Variants in AP4M1 observed in about 807,000 individuals in gnomAD.
The protein encoded by AP4M1 is AP-4 complex subunit mu-1.
Under a neutral mutation model 62.4 loss-of-function variants are expected in AP4M1, and 58 were observed. That is an observed-to-expected ratio of 0.93 (90% confidence interval 0.75 to 1.16). AP4M1 has a LOEUF of 1.16. Among genes scored for constraint, AP4M1 ranks in the 50% most tolerant of loss-of-function variants. The pLI, the probability that AP4M1 is intolerant of heterozygous loss-of-function variation, is 0.00. For missense variants in AP4M1, 626 were observed against 585.4 expected (o/e 1.07, Z -0.72); for synonymous variants, 290 against 239.7 (o/e 1.21, Z -1.94).
upstream of AP4M1, chr7:100,101,270 C>T (rs369472513): frequency 9.9e-6 from 16 of 1,613,170 alleles, no homozygotes; most frequent in Non-Finnish European, 1.3e-5. Context: ...GTACCCTTCT[C>T]TAGCGCGTAG....
Position 100,106,768 on chromosome 7 carries a change from C to T in AP4M1, c.1248C>T (p.Cys416=). The T allele has an allele frequency of 6.2e-7, 1 of 1,614,106 alleles. No homozygotes were observed. Among genetic ancestry groups the T allele is most frequent in the Non-Finnish European group, 8.5e-7 (1 of 1,180,046 alleles). ...SLSFELPRHT[C]SGLQVRFLRL... is the part of the protein sequence containing the mutation. ...CCTTCGAGCTTCCCCGGCACACGTG[C>T]TCTGGCCTCCAGGTCCGATTCCTCA... The change falls in exon 15 of 15, where the codon TGC becomes TGT. Residue 416 remains cysteine (C), a synonymous_variant. Transcript: ENST00000359593.
chr7:100,101,786 T>C lies in AP4M1; in HGVS notation c.58+14T>C. 2 of 1,402,900 alleles carry C rather than the reference T, an allele frequency of 1.4e-6. No individual in the cohort carries two copies. The highest frequency in any genetic ancestry group is 5.4e-5 in the East Asian group (2 of 37,272). The allele number at this position is 1,402,900 out of a possible 1,614,324, so 86.9% of individuals were successfully genotyped here. ...TCTACAAAGACTGTATCCTAGACCC[T>C]TGGGGCTGGGAAGGGGCGGAGGGGC... On this transcript the variant is annotated intron_variant, in intron 1 of 14. Coordinates refer to ENST00000359593, the MANE Select transcript of AP4M1 (RefSeq NM_004722.4).
rs1407542984 is a variant in AP4M1 at position 100,108,534 on chromosome 7, AGT to A, written c.*1655_*1656del. Reference sequence around the variant, plus strand: ...CGCAGCTTTGCCAGAACAGGAGCACAGTGTTTCTGCAGAACAGAAAAAAAGCC... The same window carrying A: ...CGCAGCTTTGCCAGAACAGGAGCACAGTTTCTGCAGAACAGAAAAAAAGCC... On this transcript the variant is annotated 3_prime_UTR_variant, in exon 15 of 15. Coordinates refer to ENST00000359593, the MANE Select transcript of AP4M1 (RefSeq NM_004722.4). The A allele has an allele frequency of 6.2e-7, 1 of 1,607,144 alleles. No homozygotes were observed. The highest frequency in any genetic ancestry group is 8.5e-7 in the Non-Finnish European group (1 of 1,175,084).
chr7:100,106,866 A>T lies in AP4M1; in HGVS notation c.1346A>T (p.Tyr449Phe). ...CGACACCTAAGCCACAGCGACGCCT[A>T]TGTCATTCGGATCTGAGGCTCCCCA... ...WVRHLSHSDA[Y>F]VIRI The change falls in exon 15 of 15, where the codon TAT becomes TTT. Residue 449 changes from tyrosine (Y) to phenylalanine (F), a missense_variant. By Grantham distance (22) the Tyr-to-Phe change is conservative. Coordinates refer to ENST00000359593, the MANE Select transcript of AP4M1 (RefSeq NM_004722.4). 6.2e-7 allele frequency: 1 copy of T among 1,613,310 alleles called. No homozygotes were observed. The highest frequency in any genetic ancestry group is 8.5e-7 in the Non-Finnish European group (1 of 1,179,996).
chr7:100,106,377 C>T (rs1796484293), intron 13 of AP4M1, 26 bp from the exon 14 acceptor site: 5 of 1,611,780 alleles, frequency 3.1e-6, no homozygotes, highest in East Asian at 2.2e-5. Flanking sequence ...GTGCCAAGCC[C>T]AGCACCTTCC....
rs999320390 is a variant in AP4M1 at position 100,107,183 on chromosome 7, T to C, written c.*301T>C. ...TCCTTCCGCTTAGCGAGCATGCATG[T>C]GTGTACGTGCACGTGTGTACATGTC... On this transcript the variant is annotated 3_prime_UTR_variant, in exon 15 of 15. Transcript: ENST00000359593. 2.0e-5 allele frequency: 30 copies of C among 1,518,450 alleles called. No individual in the cohort carries two copies. In the East Asian group the frequency reaches 4.3e-4, roughly 22 times the overall value. 94.1% of individuals were successfully genotyped at this position (1,518,450 alleles called of 1,614,324 possible).
Position 100,108,397 on chromosome 7 carries a change from C to G in AP4M1, c.*1515C>G. On this transcript the variant is annotated 3_prime_UTR_variant, in exon 15 of 15. Coordinates refer to ENST00000359593, the MANE Select transcript of AP4M1 (RefSeq NM_004722.4). ...TGATGGTCAGAGTGGTCCTGTTGAC[C>G]TGCTGAGCCTGCAGAGCAGCCTGGG... 6.2e-7 allele frequency: 1 copy of G among 1,612,022 alleles called. No homozygotes were observed. The highest frequency in any genetic ancestry group is 2.2e-5 in the East Asian group (1 of 44,814).
In AP4M1 at chr7:100,102,392, G is replaced by A. The variant is rs550457100; in HGVS notation, c.148-283G>A. The A allele has an allele frequency of 3.1e-5, 16 of 508,364 alleles. No homozygotes were observed. In the Admixed American group the frequency reaches 4.1e-4, roughly 13 times the overall value. 31.5% of individuals were successfully genotyped at this position (508,364 alleles called of 1,614,324 possible). On this transcript the variant is annotated intron_variant, in intron 2 of 14. Transcript: ENST00000359593. ...GGAGACAGAGCGAGACTCCCTCTCG[G>A]GGTAGGTGGGGGTGGGGAAAAAAAA...
chr7:100,104,100 G>T lies in AP4M1; in HGVS notation c.552G>T (p.Lys184Asn), dbSNP rs770777535. 25 of 1,613,996 alleles carry T rather than the reference G, an allele frequency of 1.5e-5. No homozygotes were observed. Among genetic ancestry groups the T allele is most frequent in the South Asian group, 5.5e-5 (5 of 91,062 alleles). The part of the protein sequence containing the change: ...VLSSRSDQSQ[K>N]NEVFLDVVER... ...TTCTCTCTCTTTCTCAGAGCCAAAAGAATGAAGTTTTTTTGGATGTGGTCG... is the reference window on the plus strand; with the variant it reads ...TTCTCTCTCTTTCTCAGAGCCAAAATAATGAAGTTTTTTTGGATGTGGTCG... Residue 184 changes from lysine to asparagine, a missense_variant, in exon 7 of 15, where the codon AAG becomes AAT. By Grantham distance (94) the Lys-to-Asn change is moderately conservative. Transcript: ENST00000359593.
Position 100,106,505 on chromosome 7 carries a change from C to A in AP4M1, c.1128C>A (p.Gly376=), listed in dbSNP as rs372787797. The change falls in exon 14 of 15, where the codon GGC becomes GGA. Residue 376 remains glycine (G), a synonymous_variant. Coordinates refer to ENST00000359593, the MANE Select transcript of AP4M1 (RefSeq NM_004722.4). ...PRVQGGSQLS[G]LFQMDVPGPP... ...TGCAAGGAGGCTCTCAACTCTCAGGCCTTTTCCAGGTATTCGCTGTGGACC... is the reference window on the plus strand; with the variant it reads ...TGCAAGGAGGCTCTCAACTCTCAGGACTTTTCCAGGTATTCGCTGTGGACC... The A allele has an allele frequency of 6.2e-7, 1 of 1,613,344 alleles. No individual in the cohort carries two copies. The highest frequency in any genetic ancestry group is 8.5e-7 in the Non-Finnish European group (1 of 1,179,934).
Position 100,108,426 on chromosome 7 carries a change from G to A in AP4M1, c.*1544G>A. On this transcript the variant is annotated 3_prime_UTR_variant, in exon 15 of 15. Transcript: ENST00000359593. ...TGAGCCTGCAGAGCAGCCTGGGCCC[G>A]AGCCTTGACCACCTGGGAGCAGAGG... 4 of 1,613,840 alleles carry A rather than the reference G, an allele frequency of 2.5e-6. No homozygotes were observed. Among genetic ancestry groups the A allele is most frequent in the South Asian group, 1.1e-5 (1 of 91,084 alleles).
In AP4M1 at chr7:100,108,854, T is replaced by C. The variant is rs1476141640; in HGVS notation, c.*1972T>C. On this transcript the variant is annotated 3_prime_UTR_variant, in exon 15 of 15. Transcript: ENST00000359593. ...GCCTGGCCAAAATGGAGAAACCTCA[T>C]CTCCACTAAAAATACAAAAACTAGC... 4.4e-6 allele frequency: 1 copy of C among 228,250 alleles called. No homozygotes were observed. Among genetic ancestry groups the C allele is most frequent in the Non-Finnish European group, 8.6e-6 (1 of 116,696 alleles). The allele number at this position is 228,250 out of a possible 1,614,324, so 14.1% of individuals were successfully genotyped here. A position where few individuals can be genotyped will look rare whatever the true frequency, so the allele number is the denominator to read the frequency against.
Position 100,105,338 on chromosome 7 carries a change from C to T in AP4M1, c.826C>T (p.Gln276Ter), listed in dbSNP as rs994513548. Residue 276 changes from glutamine to a stop codon, truncating the protein, a stop_gained, in exon 10 of 15, where the codon CAG becomes TAG. Transcript: ENST00000359593. LOFTEE classifies it high-confidence loss of function. The stretch of plus-strand genomic sequence containing the variant: ...TCGAATCCTCCGCTTGCAACCACCT[C>T]AGGGCGAGGTCAGGGTTGGGGTGGC... ...SHRILRLQPP[Q>*]GELTVMRYQL... is the part of the protein sequence containing the mutation. 3.1e-6 allele frequency: 5 copies of T among 1,614,152 alleles called. No homozygotes were observed. Among genetic ancestry groups the T allele is most frequent in the Non-Finnish European group, 4.2e-6 (5 of 1,180,032 alleles).
At position 100,108,103 on chromosome 7, in the gene AP4M1, G is replaced by A. The variant is rs769131965; in HGVS notation, c.*1221G>A. 1 of 1,606,284 alleles carries A rather than the reference G, an allele frequency of 6.2e-7. No homozygotes were observed. The highest frequency in any genetic ancestry group is 1.1e-5 in the South Asian group (1 of 90,154). On this transcript the variant is annotated 3_prime_UTR_variant, in exon 15 of 15. Transcript: ENST00000359593. The stretch of plus-strand genomic sequence containing the variant: ...GAGGGCCAGGCTGTGGGGCCTGCGA[G>A]AGGGTCAGCGTGGGCCGGGGCTGCG...
upstream of AP4M1, chr7:100,101,103 G>C (rs1056028291): frequency 2.2e-5 from 19 of 854,732 alleles, no homozygotes; most frequent in East Asian, 4.5e-4. Flanking sequence ...ACGCTTCCCA[G>C]GCCCCGTGGG....
At chr7:100,105,611 T>C in intron 11 of AP4M1, 72 bp downstream of exon 11, 1 of 1,438,042 alleles carries the variant, frequency 7.0e-7, no homozygotes, top group Non-Finnish European at 9.7e-7. Context: ...CAAGACTCAC[T>C]GCAGAGTGGG....
At chr7:100,101,334 AGGTCTTGCTCCTGG>A, upstream of AP4M1, 1 of 1,612,462 alleles carries the variant, frequency 6.2e-7, no homozygotes, top group Non-Finnish European at 8.5e-7. Context: ...GCGGGCTCAG[AGGTCTTGCTCCTGG>A]GGAAGCTGAG....
At position 100,101,771 on chromosome 7, in the gene AP4M1, C is replaced by CT; in HGVS notation, c.58dup (p.Arg21ProfsTer95). ...AGGGGGACCCGCTCATCTACAAAGACTGTATCCTAGACCCTTGGGGCTGGG... is the reference window on the plus strand; with the variant it reads ...AGGGGGACCCGCTCATCTACAAAGACTTGTATCCTAGACCCTTGGGGCTGGG... On this transcript the variant is annotated frameshift_variant and splice_region_variant, in exon 1 of 15. Coordinates refer to ENST00000359593, the MANE Select transcript of AP4M1 (RefSeq NM_004722.4). LOFTEE classifies it high-confidence loss of function. The CT allele has an allele frequency of 1.3e-6, 2 of 1,507,916 alleles. No homozygotes were observed. Among genetic ancestry groups the CT allele is most frequent in the Non-Finnish European group, 1.8e-6 (2 of 1,107,786 alleles). The allele number at this position is 1,507,916 out of a possible 1,614,324, so 93.4% of individuals were successfully genotyped here.
In AP4M1 at chr7:100,108,571, G is replaced by C; in HGVS notation, c.*1689G>C. 1 of 1,568,094 alleles carries C rather than the reference G, an allele frequency of 6.4e-7. No homozygotes were observed. The highest frequency in any genetic ancestry group is 8.7e-7 in the Non-Finnish European group (1 of 1,153,366). ...GAACAGAAAAAAAGCCAGGTAGAGG[G>C]AGGGCTGGGGAAAAAAGCCAGGTAG... is the stretch of plus-strand genomic sequence containing the variant. On this transcript the variant is annotated 3_prime_UTR_variant, in exon 15 of 15. Coordinates refer to ENST00000359593, the MANE Select transcript of AP4M1 (RefSeq NM_004722.4).
Sources: allele counts gnomAD v4.1 joint callset, GRCh38; gene constraint gnomAD v4.1.1; transcripts MANE v1.5; gene names NCBI Gene and HGNC (gene_info 2026-07-23, HGNC 2026-07-21).